The following GRIK3 variants were observed in gnomAD, a reference collection of about 807,000 sequenced individuals.
GRIK3 encodes the protein glutamate receptor ionotropic, kainate 3.
In GRIK3, 29 loss-of-function variants were observed where a neutral mutation model predicts 102.5. That is an observed-to-expected ratio of 0.28 (90% CI 0.21 to 0.39). The LOEUF is 0.39. Ranked by LOEUF, GRIK3 falls within the 10% of genes least tolerant of loss-of-function variation. The probability of loss-of-function intolerance (pLI) is 1.00; values close to 1 mark genes in which losing one functional copy is unlikely to be tolerated. For missense variants in GRIK3, 908 were observed against 1,252.4 expected, an observed-to-expected ratio of 0.73 and a Z score of 4.15; for synonymous variants, 511 against 504.9, an observed-to-expected ratio of 1.01 and a Z score of -0.16.
chr1:36,864,959 A>G (rs1640766889), intron 5 of GRIK3, among the ~76,000 whole-genome samples: 1 of 152,056 alleles, frequency 6.6e-6, no homozygotes, highest in Non-Finnish European at 1.5e-5. Context: ...CCAAATGTTG[A>G]CACACTGAAT....
At chr1:36,938,486 T>C (rs1048235188) in intron 1 of GRIK3, among the ~76,000 whole-genome samples, 8 of 152,154 alleles carry the variant, frequency 5.3e-5, no homozygotes, top group African/African-American at 1.9e-4. Flanking sequence ...TGCCGTGATG[T>C]TGCATCTCTG....
At chr1:36,887,248 T>A (rs1641047549) in intron 2 of GRIK3, among the ~76,000 whole-genome samples, 1 of 152,078 alleles carries the variant, frequency 6.6e-6, no homozygotes, top group African/African-American at 2.4e-5. Flanking sequence ...AGGAAAAAAA[T>A]GAGAAAATAT....
chr1:37,031,794 C>T (rs1258643304), intron 1 of GRIK3, among the ~76,000 whole-genome samples: 6 of 152,328 alleles, frequency 3.9e-5, no homozygotes, highest in South Asian at 2.1e-4. Flanking sequence ...CTCTCTCGCT[C>T]GCTCGCTCTT....
intron 1 of GRIK3, among the ~76,000 whole-genome samples, chr1:37,017,917 C>T (rs553598052): frequency 3.9e-5 from 6 of 152,260 alleles, no homozygotes; most frequent in South Asian, 2.1e-4. Flanking sequence ...CCTCTTTTGA[C>T]GTCACAGGGC....
At chr1:36,823,395 AC>A (rs1642717998) in intron 11 of GRIK3, among the ~76,000 whole-genome samples, 1 of 143,360 alleles carries the variant, frequency 7.0e-6, no homozygotes, top group Non-Finnish European at 1.5e-5. Flanking sequence ...AATGGCGTGA[AC>A]CCGGGAGGCA....
At chr1:36,871,184 C>T (rs1273955702) in intron 4 of GRIK3, among the ~76,000 whole-genome samples, 5 of 152,158 alleles carry the variant, frequency 3.3e-5, no homozygotes, top group Admixed American at 3.3e-4. Context: ...CTCCAGGGCA[C>T]ACAACGTGAA....
At chr1:36,908,778 G>GGTGTGTGT (rs56228690) in intron 1 of GRIK3, among the ~76,000 whole-genome samples, 1,688 of 147,086 alleles carry the variant, frequency 0.011, 50 homozygotes, top group East Asian at 0.11. Flanking sequence ...AATGGGATAG[G>GGTGTGTGT]GTGTGTGTGT....
intron 1 of GRIK3, among the ~76,000 whole-genome samples, chr1:36,902,902 G>C (rs1641247092): frequency 6.6e-6 from 1 of 151,982 alleles, no homozygotes; most frequent in East Asian, 1.9e-4. Flanking sequence ...TGATTCTCCT[G>C]TCTCAGCCTC....
intron 1 of GRIK3, among the ~76,000 whole-genome samples, chr1:36,969,185 G>GCCCCA (rs1642116088): frequency 6.6e-6 from 1 of 152,162 alleles, no homozygotes; most frequent in Non-Finnish European, 1.5e-5. Flanking sequence ...GCTGAGCAGG[G>GCCCCA]CCCCACCAAT....
chr1:36,818,943 G>T (rs1381867683), intron 12 of GRIK3, among the ~76,000 whole-genome samples: 1 of 152,156 alleles, frequency 6.6e-6, no homozygotes, highest in Non-Finnish European at 1.5e-5. Context: ...GTGAGCACAT[G>T]GCTGGTGGCC....
chr1:37,031,392 T>C (rs1444490708), intron 1 of GRIK3, among the ~76,000 whole-genome samples: 1 of 152,242 alleles, frequency 6.6e-6, no homozygotes, highest in East Asian at 1.9e-4. Context: ...ATGCAATTCA[T>C]CTATTCAAGA....
intron 10 of GRIK3, among the ~76,000 whole-genome samples, chr1:36,834,237 A>C (rs1184054761): frequency 6.6e-6 from 1 of 152,158 alleles, no homozygotes; most frequent in Non-Finnish European, 1.5e-5. Flanking sequence ...GAAATGAATA[A>C]ATCAGTCACT....
At chr1:36,951,582 C>T (rs1227415207) in intron 1 of GRIK3, among the ~76,000 whole-genome samples, 7 of 152,322 alleles carry the variant, frequency 4.6e-5, no homozygotes, top group Middle Eastern at 3.4e-3. Context: ...AATGAGGCCA[C>T]GGCTGAGGCC....
At chr1:37,011,155 G>T (rs1010795142) in intron 1 of GRIK3, among the ~76,000 whole-genome samples, 4 of 152,214 alleles carry the variant, frequency 2.6e-5, no homozygotes, top group African/African-American at 9.6e-5. Context: ...CCGAGCTGGA[G>T]TCAGGGTGGC....
chr1:36,947,729 G>A (rs546611886), intron 1 of GRIK3, among the ~76,000 whole-genome samples: 1 of 152,112 alleles, frequency 6.6e-6, no homozygotes, highest in Admixed American at 6.5e-5. Context: ...CTAATATGCT[G>A]CTATTTTCTA....
At chr1:36,829,733 C>T (rs140153062) in intron 10 of GRIK3, among the ~76,000 whole-genome samples, 1 of 152,118 alleles carries the variant, frequency 6.6e-6, no homozygotes. Context: ...GGTCACCTGG[C>T]CCCCACCCAT....
chr1:36,989,366 C>A (rs1642340630), intron 1 of GRIK3, among the ~76,000 whole-genome samples: 1 of 152,194 alleles, frequency 6.6e-6, no homozygotes, highest in South Asian at 2.1e-4. Context: ...CTGCACAGCT[C>A]CAGCTGGCAG....
intron 1 of GRIK3, among the ~76,000 whole-genome samples, chr1:36,999,799 A>G (rs1231448631): frequency 6.6e-6 from 1 of 152,090 alleles, no homozygotes; most frequent in Non-Finnish European, 1.5e-5. Context: ...CCCATCTTCT[A>G]TTTCTTATCC....
Position 36,800,236 on chromosome 1 carries a change from G to C in GRIK3, c.*1615C>G, listed in dbSNP as rs1250026428. On this transcript the variant is annotated 3_prime_UTR_variant, in exon 16 of 16. Transcript: ENST00000373091. The stretch of plus-strand genomic sequence containing the variant: ...CATGGGACAGAGGTGGGAGGGGAGT[G>C]GCTGGTATGCCCCAGTTCTCATCCA... The C allele has an allele frequency of 6.6e-6, 1 of 152,168 alleles. No individual in the cohort carries two copies. The highest frequency in any genetic ancestry group is 1.5e-5 in the Non-Finnish European group (1 of 68,062). 9.4% of individuals were successfully genotyped at this position (152,168 alleles called of 1,614,324 possible).
Sources: allele counts gnomAD v4.1 joint callset (sites outside exome capture counted in the v4.1 genomes callset), GRCh38; gene constraint gnomAD v4.1.1; transcripts MANE v1.5; gene names NCBI Gene and HGNC (gene_info 2026-07-23, HGNC 2026-07-21).